DCC: variants seen among roughly 807,000 people sequenced by gnomAD.
DCC encodes the protein DCC netrin 1 receptor.
In DCC, 58 loss-of-function variants were observed where a neutral mutation model predicts 172.5. The observed-to-expected ratio is 0.34, with a 90% CI of 0.27 to 0.42. DCC has a LOEUF of 0.42. Ranked by LOEUF, DCC falls within the 10% of genes least tolerant of loss-of-function variation. DCC has a pLI of 1.00. For synonymous variants in DCC, 709 were observed against 644.5 expected (o/e 1.10, Z -1.52); for missense variants, 1,740 against 1,791.0 (o/e 0.97, Z 0.51).
chr18:53,358,924 C>G (rs2057913152), intron 15 of DCC, among the ~76,000 whole-genome samples: 1 of 152,066 alleles, frequency 6.6e-6, no homozygotes, highest in African/African-American at 2.4e-5. Context: ...TTCTATAAGA[C>G]CAGTGATTGC....
At chr18:52,514,092 C>A (rs2031538952) in intron 1 of DCC, among the ~76,000 whole-genome samples, 1 of 152,038 alleles carries the variant, frequency 6.6e-6, no homozygotes. Flanking sequence ...CTTCTCTTGA[C>A]AATATAGGGT....
chr18:52,388,472 T>C (rs1464467613), intron 1 of DCC, among the ~76,000 whole-genome samples: 1 of 152,080 alleles, frequency 6.6e-6, no homozygotes, highest in Non-Finnish European at 1.5e-5. Context: ...CAAATTAAAC[T>C]ACTATTGCAG....
intron 2 of DCC, among the ~76,000 whole-genome samples, chr18:52,858,368 A>G (rs2039085383): frequency 6.6e-6 from 1 of 152,224 alleles, no homozygotes; most frequent in Non-Finnish European, 1.5e-5. Context: ...AATCGAGAGG[A>G]GAAAGCATTT....
chr18:52,845,555 C>T (rs1432799051), intron 2 of DCC, among the ~76,000 whole-genome samples: 1 of 152,158 alleles, frequency 6.6e-6, no homozygotes, highest in Non-Finnish European at 1.5e-5. Context: ...AAACCTGGCA[C>T]CAGCATCAGG....
At chr18:52,523,810 T>C (rs2031895351) in intron 1 of DCC, among the ~76,000 whole-genome samples, 1 of 152,224 alleles carries the variant, frequency 6.6e-6, no homozygotes, top group Non-Finnish European at 1.5e-5. Context: ...AAAGTTTGTT[T>C]ATTAATACCA....
intron 6 of DCC, among the ~76,000 whole-genome samples, chr18:53,065,491 C>T (rs1192621515): frequency 1.3e-5 from 2 of 152,122 alleles, no homozygotes; most frequent in Non-Finnish European, 2.9e-5. Flanking sequence ...AAAATATTCA[C>T]CATACTCCCC....
rs190480904 is a variant in DCC at position 53,256,467 on chromosome 18, G to A, written c.1911+40870G>A. Among the ~76,000 whole-genome samples the A allele has an allele frequency of 2.2e-3, 338 of 151,912 alleles. 1 individual carries two copies. Among genetic ancestry groups the A allele is most frequent in the African/African-American group, 7.7e-3 (319 of 41,508 alleles). On this transcript the variant is annotated intron_variant, in intron 12 of 28. Coordinates refer to ENST00000442544, the MANE Select transcript of DCC (RefSeq NM_005215.4). ...TTTCCCAGCACCATTTATTAAATAGGGAATCCTTTCCTGATTTCTTGTTTT... is the reference window on the plus strand; with the variant it reads ...TTTCCCAGCACCATTTATTAAATAGAGAATCCTTTCCTGATTTCTTGTTTT...
chr18:52,409,261 G>A (rs1986761428), intron 1 of DCC: 1 of 152,126 alleles, frequency 6.6e-6, no homozygotes, highest in Non-Finnish European at 1.5e-5. Context: ...GTATGTGGTT[G>A]TAGGTAAGGA....
intron 5 of DCC, among the ~76,000 whole-genome samples, chr18:53,025,031 A>G (rs918815499): frequency 6.6e-6 from 1 of 152,154 alleles, no homozygotes; most frequent in East Asian, 1.9e-4. Context: ...AAGTTAAAAT[A>G]TAATGGAGAA....
chr18:52,795,976 T>C (rs2037867659), intron 2 of DCC, among the ~76,000 whole-genome samples: 1 of 151,976 alleles, frequency 6.6e-6, no homozygotes, highest in African/African-American at 2.4e-5. Context: ...TATTGCTATA[T>C]CCTCCTGCTA....
At chr18:52,587,728 G>C (rs1163525373) in intron 1 of DCC, among the ~76,000 whole-genome samples, 1 of 152,162 alleles carries the variant, frequency 6.6e-6, no homozygotes, top group Non-Finnish European at 1.5e-5. Flanking sequence ...TCCTAGAAAG[G>C]GGCTGTAGTG....
At chr18:52,868,054 T>C (rs1320872945) in intron 2 of DCC, among the ~76,000 whole-genome samples, 1 of 64,124 alleles carries the variant, frequency 1.6e-5, no homozygotes, top group Non-Finnish European at 3.4e-5. Flanking sequence ...TATATATATA[T>C]GTGTGTGTGT....
intron 5 of DCC, among the ~76,000 whole-genome samples, chr18:52,981,652 A>C (rs1412058053): frequency 6.6e-6 from 1 of 152,166 alleles, no homozygotes; most frequent in Non-Finnish European, 1.5e-5. Flanking sequence ...GGTACAATTA[A>C]TGTTCTACGC....
intron 1 of DCC, among the ~76,000 whole-genome samples, chr18:52,533,895 A>C (rs2032218272): frequency 6.6e-6 from 1 of 152,048 alleles, no homozygotes; most frequent in Admixed American, 6.6e-5. Context: ...CTTCACCCTC[A>C]CCAAGATTTC....
At chr18:52,407,235 T>C (rs1294549697) in intron 1 of DCC, among the ~76,000 whole-genome samples, 1 of 152,082 alleles carries the variant, frequency 6.6e-6, no homozygotes, top group African/African-American at 2.4e-5. Flanking sequence ...GTGATGCTTA[T>C]GGGCAAATGT....
intron 1 of DCC, among the ~76,000 whole-genome samples, chr18:52,622,430 A>G (rs747941277): frequency 2.6e-5 from 4 of 152,152 alleles, no homozygotes; most frequent in Non-Finnish European, 5.9e-5. Flanking sequence ...GGGTCCCAAG[A>G]ATTTACTTTG....
At chr18:53,090,562 C>T (rs1050342356) in intron 7 of DCC, among the ~76,000 whole-genome samples, 13 of 150,842 alleles carry the variant, frequency 8.6e-5, no homozygotes, top group African/African-American at 1.7e-4. Flanking sequence ...GGTGTGGTGG[C>T]GGGCACCTGT....
At chr18:52,429,057 C>A (rs202049421) in intron 1 of DCC, among the ~76,000 whole-genome samples, 4 of 152,036 alleles carry the variant, frequency 2.6e-5, no homozygotes, top group Non-Finnish European at 4.4e-5. Flanking sequence ...ATCTAAACAT[C>A]CCCTTGCCTT....
chr18:52,529,275 GT>G (rs762614282), intron 1 of DCC, among the ~76,000 whole-genome samples: 3 of 152,064 alleles, frequency 2.0e-5, no homozygotes, highest in Non-Finnish European at 2.9e-5. Flanking sequence ...AAGCAGCTGT[GT>G]TTTTTGGTTT....
Sources: allele counts gnomAD v4.1 joint callset (sites outside exome capture counted in the v4.1 genomes callset), GRCh38; gene constraint gnomAD v4.1.1; transcripts MANE v1.5; gene names NCBI Gene and HGNC (gene_info 2026-07-23, HGNC 2026-07-21).